NBEA: variants seen among roughly 807,000 people sequenced by gnomAD.
NBEA encodes the protein neurobeachin.
NBEA carries 44 observed loss-of-function variants against 343.4 expected under a neutral mutation model. The ratio of observed to expected loss-of-function variants is 0.13; its 90% CI spans 0.10 to 0.16. The LOEUF (loss-of-function observed/expected upper bound fraction) is 0.16. NBEA is among the 10% of genes least tolerant of loss of function. NBEA has a pLI of 1.00. For missense variants in NBEA, 2,555 were observed against 3,631.3 expected, an observed-to-expected ratio of 0.70 and a Z score of 7.62; for synonymous variants, 1,175 against 1,238.7, an observed-to-expected ratio of 0.95 and a Z score of 1.08.
intron 38 of NBEA, among the ~76,000 whole-genome samples, chr13:35,394,504 T>C (rs937535512): frequency 3.3e-5 from 5 of 152,092 alleles, no homozygotes; most frequent in Non-Finnish European, 5.9e-5. Context: ...TAAAAAGTGG[T>C]TCAATTTCGA....
chr13:35,071,999 T>C (rs2063894254), intron 10 of NBEA, among the ~76,000 whole-genome samples: 1 of 152,120 alleles, frequency 6.6e-6, no homozygotes, highest in Non-Finnish European at 1.5e-5. Flanking sequence ...AATCCTGAGG[T>C]TATGTCCTGC....
At chr13:35,117,391 CTT>C in intron 13 of NBEA, 21 bp from the exon 14 acceptor site, 1 of 1,233,528 alleles carries the variant, frequency 8.1e-7, no homozygotes. Flanking sequence ...TTTTATTTTA[CTT>C]TTTTTTCTGT....
intron 36 of NBEA, among the ~76,000 whole-genome samples, chr13:35,317,524 G>T (rs190538134): frequency 1.1e-3 from 169 of 152,282 alleles, no homozygotes; most frequent in Admixed American, 3.6e-3. Context: ...AGTATAGTTT[G>T]AAGTCAGGTA....
intron 1 of NBEA, among the ~76,000 whole-genome samples, chr13:34,959,389 C>T (rs767496548): frequency 1.3e-5 from 2 of 151,984 alleles, no homozygotes; most frequent in South Asian, 2.1e-4. Context: ...TGCAGTCTTT[C>T]AATACTGGAC....
chr13:34,961,165 T>A (rs1177537754), intron 1 of NBEA, among the ~76,000 whole-genome samples: 1 of 152,010 alleles, frequency 6.6e-6, no homozygotes, highest in Non-Finnish European at 1.5e-5. Context: ...ATTAGAGCGG[T>A]ATTAGTGGGA....
At chr13:35,632,899 G>C (rs1446461514) in intron 49 of NBEA, among the ~76,000 whole-genome samples, 2 of 149,948 alleles carry the variant, frequency 1.3e-5, no homozygotes, top group African/African-American at 2.5e-5. Flanking sequence ...CGGCCCCCCT[G>C]TACTATTTTT....
intron 13 of NBEA, among the ~76,000 whole-genome samples, chr13:35,116,020 G>A (rs1234970508): frequency 1.3e-5 from 2 of 152,132 alleles, no homozygotes; most frequent in Non-Finnish European, 2.9e-5. Context: ...TGTGGGTGTG[G>A]TCAGGAAAAG....
At chr13:35,574,896 T>C (rs2080657198) in intron 45 of NBEA, among the ~76,000 whole-genome samples, 1 of 151,896 alleles carries the variant, frequency 6.6e-6, no homozygotes, top group African/African-American at 2.4e-5. Flanking sequence ...ATTAAAGGCG[T>C]GCACCACCAC....
chr13:34,977,315 T>TC (rs2060213062), intron 1 of NBEA, among the ~76,000 whole-genome samples: 1 of 146,178 alleles, frequency 6.8e-6, no homozygotes, highest in African/African-American at 2.6e-5. Context: ...ATAATTATCT[T>TC]TTTTTTTTTT....
At position 35,273,319 on chromosome 13, in the gene NBEA, C is replaced by G. The variant is rs187598891; in HGVS notation, c.5777-17070C>G. Among the ~76,000 whole-genome samples, 21 of 152,222 alleles carry G rather than the reference C, an allele frequency of 1.4e-4. No homozygotes were observed. In the East Asian group the frequency reaches 2.9e-3, roughly 21 times the overall value. ...TTTGAAACCAATGAGAACAAAGACT[C>G]AATGTACTAGAATCTCTGGGACACA... is the stretch of plus-strand genomic sequence containing the variant. On this transcript the variant is annotated intron_variant, in intron 34 of 58. Transcript: ENST00000379939.
intron 40 of NBEA, among the ~76,000 whole-genome samples, chr13:35,471,531 C>T (rs1171718190): frequency 6.6e-6 from 1 of 152,162 alleles, no homozygotes; most frequent in African/African-American, 2.4e-5. Flanking sequence ...GAATGGCTCC[C>T]TTTGGGGAGA....
chr13:35,515,842 C>A (rs1268890131), intron 41 of NBEA, among the ~76,000 whole-genome samples: 1 of 151,396 alleles, frequency 6.6e-6, no homozygotes, highest in African/African-American at 2.4e-5. Context: ...CCATTTATAT[C>A]TTTTTTAATT....
chr13:35,097,446 A>G (rs1229271882), intron 10 of NBEA, among the ~76,000 whole-genome samples: 1 of 152,002 alleles, frequency 6.6e-6, no homozygotes, highest in African/African-American at 2.4e-5. Flanking sequence ...CTGGTCTATA[A>G]CAATTTATTT....
intron 1 of NBEA, among the ~76,000 whole-genome samples, chr13:34,992,263 T>TATATATATA (rs1555269591): frequency 1.0e-5 from 1 of 97,444 alleles, no homozygotes; most frequent in Admixed American, 1.0e-4. Flanking sequence ...TATATATATA[T>TATATATATA]TTTTTTTTTT....
intron 49 of NBEA, among the ~76,000 whole-genome samples, chr13:35,640,874 T>G (rs1235952102): frequency 3.3e-5 from 5 of 152,066 alleles, no homozygotes; most frequent in Non-Finnish European, 7.4e-5. Flanking sequence ...ACCTACAAAA[T>G]TCCATGTTTT....
intron 36 of NBEA, among the ~76,000 whole-genome samples, chr13:35,348,300 A>T (rs1220697583): frequency 6.6e-6 from 1 of 152,128 alleles, no homozygotes; most frequent in Non-Finnish European, 1.5e-5. Context: ...ACTAATAATT[A>T]TCAGTGTTAG....
intron 41 of NBEA, among the ~76,000 whole-genome samples, chr13:35,518,714 T>C (rs1391162654): frequency 6.6e-6 from 1 of 152,178 alleles, no homozygotes; most frequent in African/African-American, 2.4e-5. Context: ...CCCAATCAGG[T>C]TGAGCACACA....
intron 41 of NBEA, among the ~76,000 whole-genome samples, chr13:35,503,617 C>A (rs369210560): frequency 3.0e-4 from 45 of 152,050 alleles, no homozygotes; most frequent in African/African-American, 1.0e-3. Flanking sequence ...TACCAGGATA[C>A]ATTTCTTAAG....
In NBEA at chr13:35,041,067, T is replaced by G. The variant is rs2062629813; in HGVS notation, c.429T>G (p.Ile143Met). The change falls in exon 2 of 59, where the codon ATT becomes ATG. Residue 143 changes from isoleucine (I) to methionine (M), a missense_variant. Ile to Met is a conservative substitution (Grantham distance 10, BLOSUM62 1). Coordinates refer to ENST00000379939, the MANE Select transcript of NBEA (RefSeq NM_001385012.1). ...QAEIWSMFTA[I>M]LRKSVRNLQT... ...AAATATGGAGCATGTTTACAGCCAT[T>G]CTACGAAAAAGTGTTCGGAATTTAC... 1 of 1,613,264 alleles carries G rather than the reference T, an allele frequency of 6.2e-7. No homozygotes were observed. Among genetic ancestry groups the G allele is most frequent in the Non-Finnish European group, 8.5e-7 (1 of 1,179,444 alleles).
Sources: allele counts gnomAD v4.1 joint callset (sites outside exome capture counted in the v4.1 genomes callset), GRCh38; gene constraint gnomAD v4.1.1; transcripts MANE v1.5; gene names NCBI Gene and HGNC (gene_info 2026-07-23, HGNC 2026-07-21).